UBE2D1: variants seen among roughly 807,000 people sequenced by gnomAD.
UBE2D1 encodes the protein ubiquitin conjugating enzyme E2 D1, also known as ubiquitin-conjugating enzyme E2 D1.
Under a neutral mutation model 24.6 loss-of-function variants are expected in UBE2D1, and 9 were observed. The observed-to-expected ratio is 0.37, with a 90% CI of 0.22 to 0.64. The LOEUF is 0.64. Among genes scored for constraint, UBE2D1 ranks in the 30% least tolerant of loss-of-function variants. The pLI is 0.64. For synonymous variants in UBE2D1, 57 were observed against 57.6 expected (o/e 0.99, Z 0.04); for missense variants, 87 against 177.1 (o/e 0.49, Z 2.89).
At position 58,370,523 on chromosome 10, in the gene UBE2D1, C is replaced by A. The variant is rs1014042216; in HGVS notation, c.*1758C>A. 11 of 152,194 alleles carry A rather than the reference C, an allele frequency of 7.2e-5. No individual in the cohort carries two copies. The highest frequency in any genetic ancestry group is 2.7e-4 in the African/African-American group (11 of 41,290). The allele number at this position is 152,194 out of a possible 1,614,324, so 9.4% of individuals were successfully genotyped here. ...CTATAAAATGATGTCTTAAAACAGC[C>A]ATATCATGAAAAATTCTACTTAGCT... On this transcript the variant is annotated 3_prime_UTR_variant, in exon 7 of 7. Coordinates refer to ENST00000373910, the MANE Select transcript of UBE2D1 (RefSeq NM_003338.5).
At chr10:58,359,934 C>T (rs2132328969) in intron 1 of UBE2D1, among the ~76,000 whole-genome samples, 1 of 152,294 alleles carries the variant, frequency 6.6e-6, no homozygotes. Context: ...TGCCACTTCT[C>T]CAATCTAAGC....
At chr10:58,345,832 G>A (rs1840009332) in intron 1 of UBE2D1, among the ~76,000 whole-genome samples, 2 of 152,062 alleles carry the variant, frequency 1.3e-5, no homozygotes. Context: ...GAAGACACTA[G>A]AATATGCTTG....
chr10:58,342,893 G>A (rs1490255087), intron 1 of UBE2D1, among the ~76,000 whole-genome samples: 1 of 149,396 alleles, frequency 6.7e-6, no homozygotes, highest in Non-Finnish European at 1.5e-5. Context: ...ACAGTGGCGC[G>A]ATCTCGGCTC....
At chr10:58,363,961 T>G (rs1023081160) in intron 4 of UBE2D1, among the ~76,000 whole-genome samples, 1 of 152,114 alleles carries the variant, frequency 6.6e-6, no homozygotes, top group Non-Finnish European at 1.5e-5. Flanking sequence ...GTTTGGGACG[T>G]TTTTATGATT....
At chr10:58,335,308 CGGGGAGAGCAAGGGATGGAAGGGT>C in intron 1 of UBE2D1, 83 bp downstream of exon 1, 1 of 1,390,812 alleles carries the variant, frequency 7.2e-7, no homozygotes, top group Non-Finnish European at 9.5e-7. Context: ...GAGAGACATG[CGGGGAGAGCAAGGGATGGAAGGGT>C]GGGCCGGGGT....
intron 1 of UBE2D1, among the ~76,000 whole-genome samples, chr10:58,344,219 G>A (rs528822906): frequency 2.6e-5 from 4 of 152,280 alleles, no homozygotes; most frequent in Admixed American, 1.3e-4. Context: ...AGCTAAAAAT[G>A]TGCAAATGGC....
intron 1 of UBE2D1, among the ~76,000 whole-genome samples, chr10:58,342,340 C>A (rs539548681): frequency 1.3e-5 from 2 of 152,166 alleles, no homozygotes; most frequent in South Asian, 2.1e-4. Flanking sequence ...ATTTAGATTC[C>A]TGGGTTTTTT....
intron 1 of UBE2D1, among the ~76,000 whole-genome samples, chr10:58,355,305 A>G (rs778124256): frequency 3.3e-5 from 5 of 152,186 alleles, no homozygotes; most frequent in Non-Finnish European, 5.9e-5. Context: ...CACTGGGGGA[A>G]TTTGGTCTTT....
At chr10:58,359,120 C>T (rs1840166629) in intron 1 of UBE2D1, among the ~76,000 whole-genome samples, 1 of 151,928 alleles carries the variant, frequency 6.6e-6, no homozygotes, top group African/African-American at 2.4e-5. Context: ...CTCAGTCACC[C>T]AGCTCATTTA....
intron 1 of UBE2D1, among the ~76,000 whole-genome samples, chr10:58,343,510 A>T (rs921800106): frequency 2.6e-5 from 4 of 152,328 alleles, no homozygotes; most frequent in Middle Eastern, 6.8e-3. Context: ...AATGTTAAAA[A>T]TACATGCCAT....
chr10:58,341,189 T>C (rs1475918827), intron 1 of UBE2D1, among the ~76,000 whole-genome samples: 2 of 152,230 alleles, frequency 1.3e-5, no homozygotes, highest in Non-Finnish European at 2.9e-5. Context: ...AAAAGTATCA[T>C]TGCATTGTGA....
chr10:58,339,960 A>G (rs1300315996), intron 1 of UBE2D1, among the ~76,000 whole-genome samples: 1 of 152,166 alleles, frequency 6.6e-6, no homozygotes, highest in African/African-American at 2.4e-5. Context: ...GAGATTACTG[A>G]ACTCACCAGA....
At chr10:58,339,071 C>G (rs1200579948) in intron 1 of UBE2D1, among the ~76,000 whole-genome samples, 1 of 152,108 alleles carries the variant, frequency 6.6e-6, no homozygotes, top group Non-Finnish European at 1.5e-5. Context: ...TAACCCAGCC[C>G]TCTATGGACG....
chr10:58,353,587 C>T (rs1292000885), intron 1 of UBE2D1, among the ~76,000 whole-genome samples: 2 of 152,154 alleles, frequency 1.3e-5, no homozygotes, highest in African/African-American at 4.8e-5. Context: ...AAAAATTTAA[C>T]AAGAATTTTG....
At chr10:58,365,339 G>C (rs1840244061) in intron 5 of UBE2D1, among the ~76,000 whole-genome samples, 1 of 152,150 alleles carries the variant, frequency 6.6e-6, no homozygotes, top group Non-Finnish European at 1.5e-5. Context: ...GTAAAAGGAA[G>C]ATTTTGGGAC....
At chr10:58,357,630 AC>A (rs1840146765) in intron 1 of UBE2D1, among the ~76,000 whole-genome samples, 1 of 152,076 alleles carries the variant, frequency 6.6e-6, no homozygotes, top group South Asian at 2.1e-4. Flanking sequence ...AATGTGTTGT[AC>A]CTTTTGTTTT....
chr10:58,364,273 A>G (rs1301778404), intron 4 of UBE2D1, among the ~76,000 whole-genome samples: 1 of 152,174 alleles, frequency 6.6e-6, no homozygotes, highest in East Asian at 1.9e-4. Flanking sequence ...ACAGATTAAC[A>G]TTGTATTTAT....
chr10:58,349,964 G>A (rs891358140), intron 1 of UBE2D1, among the ~76,000 whole-genome samples: 15 of 152,208 alleles, frequency 9.9e-5, no homozygotes, highest in African/African-American at 3.6e-4. Context: ...CATCTATATT[G>A]TTGCCTGGAG....
intron 1 of UBE2D1, among the ~76,000 whole-genome samples, chr10:58,341,522 T>C (rs934242183): frequency 2.0e-5 from 3 of 152,156 alleles, no homozygotes; most frequent in Non-Finnish European, 4.4e-5. Flanking sequence ...AAAAATGAGG[T>C]AACCTATGAC....
Sources: allele counts gnomAD v4.1 joint callset (sites outside exome capture counted in the v4.1 genomes callset), GRCh38; gene constraint gnomAD v4.1.1; transcripts MANE v1.5; gene names NCBI Gene and HGNC (gene_info 2026-07-23, HGNC 2026-07-21).